NCKAP5: variants seen among roughly 807,000 people sequenced by gnomAD.
NCKAP5 encodes the protein nck-associated protein 5.
In NCKAP5, 92 loss-of-function variants were observed where a neutral mutation model predicts 167.0. That is an observed-to-expected ratio of 0.55 (90% CI 0.47 to 0.66). The LOEUF (loss-of-function observed/expected upper bound fraction) is 0.66, where lower values mean the gene tolerates loss of function less well. Among genes scored for constraint, NCKAP5 ranks in the 30% least tolerant of loss-of-function variants. The probability of loss-of-function intolerance (pLI) is 0.00; values close to 1 mark genes in which losing one functional copy is unlikely to be tolerated. For missense variants in NCKAP5, 2,378 were observed against 2,315.0 expected (o/e 1.03, Z -0.56); for synonymous variants, 891 against 877.4 (o/e 1.02, Z -0.27).
At chr2:133,007,332 C>T (rs1017254753) in intron 6 of NCKAP5, among the ~76,000 whole-genome samples, 1 of 152,074 alleles carries the variant, frequency 6.6e-6, no homozygotes, top group Non-Finnish European at 1.5e-5. Context: ...AATTGTAAAC[C>T]TTTTGGTGCT....
chr2:132,798,565 A>G (rs1684784546), intron 11 of NCKAP5, among the ~76,000 whole-genome samples: 1 of 152,210 alleles, frequency 6.6e-6, no homozygotes. Flanking sequence ...CAGTTCATGA[A>G]TGCACTTCAT....
chr2:132,978,998 C>T (rs952047498), intron 7 of NCKAP5, among the ~76,000 whole-genome samples: 1 of 152,162 alleles, frequency 6.6e-6, no homozygotes, highest in African/African-American at 2.4e-5. Flanking sequence ...CTCAGCTCTA[C>T]ACGTAAGGCT....
chr2:133,234,825 G>C (rs1171596701), intron 4 of NCKAP5, among the ~76,000 whole-genome samples: 1 of 151,320 alleles, frequency 6.6e-6, no homozygotes, highest in African/African-American at 2.4e-5. Flanking sequence ...AAAATGTTAA[G>C]GAAAGAACAA....
chr2:132,738,621 T>C (rs1257234259), intron 16 of NCKAP5, among the ~76,000 whole-genome samples: 2 of 152,342 alleles, frequency 1.3e-5, no homozygotes, highest in Admixed American at 6.5e-5. Context: ...TCATTGACTA[T>C]TGCCTTAGTC....
At chr2:133,087,931 G>A (rs1417276401) in intron 6 of NCKAP5, among the ~76,000 whole-genome samples, 1 of 152,030 alleles carries the variant, frequency 6.6e-6, no homozygotes. Flanking sequence ...CCTTCTTTAC[G>A]GAGCTGCCAT....
At chr2:132,932,134 C>T (rs901834443) in intron 8 of NCKAP5, among the ~76,000 whole-genome samples, 2 of 152,170 alleles carry the variant, frequency 1.3e-5, no homozygotes, top group Non-Finnish European at 2.9e-5. Flanking sequence ...TGCTAAAAAT[C>T]AATATATGCT....
At chr2:132,687,054 G>A (rs1247589773) in intron 19 of NCKAP5, among the ~76,000 whole-genome samples, 1 of 151,998 alleles carries the variant, frequency 6.6e-6, no homozygotes, top group African/African-American at 2.4e-5. Flanking sequence ...ACAGTTTTAT[G>A]ACAAAAAAAA....
the NCKAP5 span, among the ~76,000 whole-genome samples, chr2:133,643,237 A>G: frequency 1.3e-5 from 2 of 152,230 alleles, no homozygotes. Context: ...AATGTTATAC[A>G]GCCATGAAAA....
At chr2:133,316,469 T>G (rs1344796997) in intron 3 of NCKAP5, among the ~76,000 whole-genome samples, 1 of 152,222 alleles carries the variant, frequency 6.6e-6, no homozygotes, top group East Asian at 1.9e-4. Flanking sequence ...CGTTTTTATA[T>G]TTATCTTTAA....
At chr2:132,895,132 C>A (rs538005445) in intron 8 of NCKAP5, among the ~76,000 whole-genome samples, 2 of 151,912 alleles carry the variant, frequency 1.3e-5, no homozygotes, top group African/African-American at 4.8e-5. Flanking sequence ...GAGATGGAGA[C>A]CTTCCTGGCT....
intron 19 of NCKAP5, among the ~76,000 whole-genome samples, chr2:132,697,678 T>C (rs1687477302): frequency 6.6e-6 from 1 of 152,178 alleles, no homozygotes; most frequent in Admixed American, 6.5e-5. Context: ...TTTGATATAG[T>C]TGGTCTGTTT....
At chr2:133,035,204 G>T (rs572799645) in intron 6 of NCKAP5, among the ~76,000 whole-genome samples, 112 of 152,038 alleles carry the variant, frequency 7.4e-4, no homozygotes, top group Non-Finnish European at 1.3e-3. Context: ...AATTCAGCAA[G>T]AAAATATAAC....
At chr2:133,498,194 G>C (rs1682111891) in intron 3 of NCKAP5, among the ~76,000 whole-genome samples, 1 of 152,166 alleles carries the variant, frequency 6.6e-6, no homozygotes, top group Non-Finnish European at 1.5e-5. Flanking sequence ...TGTGGCTACT[G>C]TGTTGAAGAG....
At chr2:132,960,136 AAGAG>A (rs1046432705) in intron 8 of NCKAP5, among the ~76,000 whole-genome samples, 49 of 152,304 alleles carry the variant, frequency 3.2e-4, no homozygotes, top group African/African-American at 1.1e-3. Flanking sequence ...TAAAAAGAGA[AAGAG>A]AGAGAGTGTG....
intron 2 of NCKAP5, among the ~76,000 whole-genome samples, chr2:133,545,285 T>C (rs1183851675): frequency 6.6e-6 from 1 of 152,110 alleles, no homozygotes; most frequent in South Asian, 2.1e-4. Flanking sequence ...TTGAAGTCAG[T>C]GTGGCAGGAG....
intron 19 of NCKAP5, among the ~76,000 whole-genome samples, chr2:132,712,278 C>T (rs1688922310): frequency 6.6e-6 from 1 of 152,190 alleles, no homozygotes; most frequent in Non-Finnish European, 1.5e-5. Flanking sequence ...TATGCCCACC[C>T]AAACCTGATT....
At chr2:133,666,460 AG>A in the NCKAP5 span, among the ~76,000 whole-genome samples, 1 of 151,916 alleles carries the variant, frequency 6.6e-6, no homozygotes, top group Non-Finnish European at 1.5e-5. Context: ...AGCCTCCCGA[AG>A]TGCTGGGATT....
At chr2:133,148,753 C>T (rs1329816576) in intron 5 of NCKAP5, among the ~76,000 whole-genome samples, 1 of 152,136 alleles carries the variant, frequency 6.6e-6, no homozygotes, top group East Asian at 1.9e-4. Context: ...TCTCTGAAGT[C>T]TCTTCTGATA....
chr2:132,983,374 G>T (rs1183674274), intron 7 of NCKAP5, among the ~76,000 whole-genome samples: 10 of 152,116 alleles, frequency 6.6e-5, no homozygotes. Context: ...GAGGGCATCT[G>T]TTTCTTGTTC....
Sources: allele counts gnomAD v4.1 joint callset (sites outside exome capture counted in the v4.1 genomes callset), GRCh38; gene constraint gnomAD v4.1.1; transcripts MANE v1.5; gene names NCBI Gene and HGNC (gene_info 2026-07-23, HGNC 2026-07-21).